CCT5: variants seen among roughly 807,000 people sequenced by gnomAD.
CCT5 encodes chaperonin containing TCP1 subunit 5.
A neutral mutation model predicts 55.0 loss-of-function variants in CCT5; 6 were observed. The ratio of observed to expected loss-of-function variants is 0.11; its 90% confidence interval spans 0.06 to 0.22. The LOEUF (loss-of-function observed/expected upper bound fraction) is 0.22, where lower values mean the gene tolerates loss of function less well. Ranked by LOEUF, CCT5 falls within the 10% of genes least tolerant of loss-of-function variation. CCT5 has a pLI of 1.00. For missense variants in CCT5, 560 were observed against 694.6 expected, an observed-to-expected ratio of 0.81 and a Z score of 2.18; for synonymous variants, 231 against 243.7, an observed-to-expected ratio of 0.95 and a Z score of 0.49.
At chr5:10,264,535 C>T in intron 10 of CCT5, 121 bp from the exon 11 acceptor site, 1 of 752,136 alleles carries the variant, frequency 1.3e-6, no homozygotes, top group Non-Finnish European at 2.4e-6. Flanking sequence ...TGGCTTCCTG[C>T]TTGGCTTCCA....
chr5:10,253,265 G>C (rs1745518902), intron 1 of CCT5, among the ~76,000 whole-genome samples: 1 of 151,386 alleles, frequency 6.6e-6, no homozygotes, highest in Non-Finnish European at 1.5e-5. Context: ...GGAGGCGGAG[G>C]TTGCAGTGAG....
Position 10,265,778 on chromosome 5 carries a change from GTT to G in CCT5, c.*996_*997del, listed in dbSNP as rs951356890. 5.0e-5 allele frequency: 5 copies of G among 99,478 alleles called. No homozygotes were observed. Among genetic ancestry groups the G allele is most frequent in the Non-Finnish European group, 9.5e-5 (4 of 42,240 alleles). The allele number at this position is 99,478 out of a possible 1,614,324, so 6.2% of individuals were successfully genotyped here. A position where few individuals can be genotyped will look rare whatever the true frequency, so the allele number is the denominator to read the frequency against. The stretch of plus-strand genomic sequence containing the variant: ...AGTGGCCCAGCTCATCCCCTACTCT[GTT>G]ATTTGCTTGTTAATGATTCTCTAGA... On this transcript the variant is annotated 3_prime_UTR_variant, in exon 11 of 11. Coordinates refer to ENST00000280326, the MANE Select transcript of CCT5 (RefSeq NM_012073.5).
chr5:10,251,020 G>A, intron 1 of CCT5: 1 of 279,636 alleles, frequency 3.6e-6, no homozygotes, highest in Non-Finnish European at 5.4e-6. Context: ...GAGAAGGACA[G>A]CTACGGAGAG....
intron 8 of CCT5, 57 bp from the exon 9 acceptor site, chr5:10,262,424 G>A: frequency 6.3e-7 from 1 of 1,599,692 alleles, no homozygotes; most frequent in Admixed American, 1.7e-5. Flanking sequence ...CCAGATACTT[G>A]GCTCTAAATT....
chr5:10,263,431 C>A (rs1039036165), intron 10 of CCT5, 117 bp downstream of exon 10: 26 of 959,780 alleles, frequency 2.7e-5, no homozygotes, highest in Non-Finnish European at 9.5e-6. Flanking sequence ...AAGCCCACTT[C>A]AGGTGTTCAA....
At position 10,265,147 on chromosome 5, in the gene CCT5, G is replaced by A; in HGVS notation, c.*364G>A. 8.3e-6 allele frequency: 2 copies of A among 239,676 alleles called. No individual in the cohort carries two copies. Among genetic ancestry groups the A allele is most frequent in the South Asian group, 1.0e-4 (2 of 19,340 alleles). The allele number at this position is 239,676 out of a possible 1,614,324, so 14.8% of individuals were successfully genotyped here. A position where few individuals can be genotyped will look rare whatever the true frequency, so the allele number is the denominator to read the frequency against. On this transcript the variant is annotated 3_prime_UTR_variant, in exon 11 of 11. Coordinates refer to ENST00000280326, the MANE Select transcript of CCT5 (RefSeq NM_012073.5). ...GACTATTTTAACAGCTTAAACAGGAGCTCTCAAGATGCACTTTCATATTGA... is the reference window on the plus strand; with the variant it reads ...GACTATTTTAACAGCTTAAACAGGAACTCTCAAGATGCACTTTCATATTGA...
At chr5:10,252,624 A>AC (rs1290988654) in intron 1 of CCT5, among the ~76,000 whole-genome samples, 1 of 151,716 alleles carries the variant, frequency 6.6e-6, no homozygotes, top group Non-Finnish European at 1.5e-5. Flanking sequence ...CAAAAAAAAA[A>AC]AAAAAAAGGT....
chr5:10,261,952 G>C, intron 8 of CCT5: 2 of 620,678 alleles, frequency 3.2e-6, no homozygotes, highest in Non-Finnish European at 5.9e-6. Flanking sequence ...CTGTCCCTTA[G>C]AGTATACAAT....
At chr5:10,256,389 T>C (rs572683760) in intron 4 of CCT5, among the ~76,000 whole-genome samples, 18 of 152,348 alleles carry the variant, frequency 1.2e-4, no homozygotes, top group African/African-American at 4.1e-4. Context: ...TTGCAAAATA[T>C]AGTTATTTTA....
At chr5:10,252,071 G>C (rs1013896180) in intron 1 of CCT5, among the ~76,000 whole-genome samples, 1 of 152,230 alleles carries the variant, frequency 6.6e-6, no homozygotes, top group Non-Finnish European at 1.5e-5. Flanking sequence ...CAGTGGTCTA[G>C]AGCAGCATTC....
intron 1 of CCT5, among the ~76,000 whole-genome samples, chr5:10,251,454 G>A (rs76402057): frequency 1.3e-5 from 2 of 152,266 alleles, no homozygotes; most frequent in East Asian, 1.9e-4. Flanking sequence ...CTCCGAGAGG[G>A]CCTTCAGGGT....
At chr5:10,262,325 G>T (rs1317181713) in intron 8 of CCT5, 156 bp from the exon 9 acceptor site, 2 of 817,380 alleles carry the variant, frequency 2.4e-6, no homozygotes, top group Non-Finnish European at 2.0e-6. Flanking sequence ...TAACTACATT[G>T]CAGGAAGGAA....
In CCT5 at chr5:10,261,632, G is replaced by A. The variant is rs1294765017; in HGVS notation, c.1066G>A (p.Ala356Thr). ...GCTCACAGCCGAGAAGCTGGGCTTTGCTGGTCTTGTACAGGAGATCTCATT... is the reference window on the plus strand; with the variant it reads ...GCTCACAGCCGAGAAGCTGGGCTTTACTGGTCTTGTACAGGAGATCTCATT... The part of the protein sequence containing the change: ...SELTAEKLGF[A>T]GLVQEISFGT... Residue 356 changes from alanine to threonine, a missense_variant, in exon 8 of 11, where the codon GCT becomes ACT. Ala to Thr is a moderately conservative substitution (Grantham distance 58). This residue lies in a region of CCT5 where 256 missense variants were observed against 372.4 expected (regional missense o/e 0.69). Transcript: ENST00000280326. 1 of 1,614,092 alleles carries A rather than the reference G, an allele frequency of 6.2e-7. No homozygotes were observed. The highest frequency in any genetic ancestry group is 2.2e-5 in the East Asian group (1 of 44,896).
chr5:10,263,790 A>G (rs978661137), intron 10 of CCT5, among the ~76,000 whole-genome samples: 3 of 152,194 alleles, frequency 2.0e-5, no homozygotes, highest in African/African-American at 7.2e-5. Context: ...TTGTTGAAAC[A>G]GTGGTCTCAG....
chr5:10,255,336 AC>A (rs952107143), intron 3 of CCT5, among the ~76,000 whole-genome samples: 5 of 62,476 alleles, frequency 8.0e-5, no homozygotes, highest in South Asian at 3.8e-4. Context: ...TAATAAGTAA[AC>A]TGGTATTCGT....
At chr5:10,255,034 A>G (rs1400694046) in intron 3 of CCT5, 196 bp downstream of exon 3, 2 of 600,288 alleles carry the variant, frequency 3.3e-6, no homozygotes, top group Admixed American at 2.6e-5. Context: ...AGGGCTGGGG[A>G]TTGTTAGGCA....
rs776372121 is a variant in CCT5, at chr5:10,260,895, G to A, written c.977G>A (p.Gly326Glu). The change falls in exon 7 of 11, where the codon GGA becomes GAA. Residue 326 changes from glycine (G) to glutamate (E), a missense_variant. Transcript: ENST00000280326. ...AACTTGCCTGCGGTTCGCTGGGTAGGAGGACCTGAAATTGAGGTAGGATGT... is the reference window on the plus strand; with the variant it reads ...AACTTGCCTGCGGTTCGCTGGGTAGAAGGACCTGAAATTGAGGTAGGATGT... Reference protein sequence around the residue: ...QNNLPAVRWVGGPEIELIAIA... With the variant: ...QNNLPAVRWVEGPEIELIAIA... The A allele has an allele frequency of 1.2e-6, 2 of 1,614,142 alleles. No homozygotes were observed. The highest frequency in any genetic ancestry group is 1.7e-6 in the Non-Finnish European group (2 of 1,180,018).
Position 10,258,589 on chromosome 5 carries a change from G to A in CCT5, c.873+54G>A. The A allele has an allele frequency of 2.0e-6, 3 of 1,482,012 alleles. No homozygotes were observed. The South Asian group carries it at 3.4e-5, about 17-fold the overall frequency. 91.8% of individuals were successfully genotyped at this position (1,482,012 alleles called of 1,614,324 possible). ...TTTAAACTCCCAAAGGGTACAGTTA[G>A]TTAGGTTTGGTTAGTAAATATGTGT... is the stretch of plus-strand genomic sequence containing the variant. On this transcript the variant is annotated intron_variant, in intron 6 of 10. Transcript: ENST00000280326.
Position 10,254,181 on chromosome 5 carries a change from A to G in CCT5, c.142A>G (p.Met48Val), listed in dbSNP as rs778660679. 7 of 1,609,936 alleles carry G rather than the reference A, an allele frequency of 4.3e-6. No homozygotes were observed. The highest frequency in any genetic ancestry group is 5.1e-6 in the Non-Finnish European group (6 of 1,176,252). The change falls in exon 2 of 11, where the codon ATG becomes GTG. Residue 48 changes from methionine (M) to valine (V), a missense_variant. Transcript: ENST00000280326. ...GGCAGCAAAGGCTGTAGCAAATACA[A>G]TGAGAACATCACTTGGACCAAATGG... is the stretch of plus-strand genomic sequence containing the variant. ...IMAAKAVANT[M>V]RTSLGPNGLD...
Sources: gnomAD v4.1 joint callset for allele counts (sites outside exome capture counted in the v4.1 genomes callset) on GRCh38, gnomAD v4.1.1 for gene constraint, gnomAD v4.1.1 regional missense constraint, MANE v1.5 for transcripts, NCBI Gene and HGNC (gene_info 2026-07-23, HGNC 2026-07-21) for gene names.